The following CAMK2D variants were observed in gnomAD, a reference collection of about 807,000 sequenced individuals.
CAMK2D encodes calcium/calmodulin-dependent protein kinase type II subunit delta.
Under a neutral mutation model 84.0 loss-of-function variants are expected in CAMK2D, and 37 were observed. The ratio of observed to expected loss-of-function variants is 0.44; its 90% CI spans 0.34 to 0.58. The LOEUF is 0.58. CAMK2D is among the 20% of genes least tolerant of loss of function. The pLI, the probability that CAMK2D is intolerant of heterozygous loss-of-function variation, is 0.02. For synonymous variants in CAMK2D, 202 were observed against 212.5 expected (o/e 0.95, Z 0.43); for missense variants, 448 against 652.5 (o/e 0.69, Z 3.41).
intron 8 of CAMK2D, among the ~76,000 whole-genome samples, chr4:113,528,213 TATAA>T (rs539767234): frequency 1.3e-5 from 2 of 152,166 alleles, no homozygotes; most frequent in Admixed American, 1.3e-4. Flanking sequence ...AAACTTCATT[TATAA>T]ATAAAGACTT....
At chr4:113,624,483 G>A (rs2099059457) in intron 3 of CAMK2D, among the ~76,000 whole-genome samples, 1 of 152,162 alleles carries the variant, frequency 6.6e-6, no homozygotes, top group Non-Finnish European at 1.5e-5. Context: ...CACTTGGCAG[G>A]AACGGTGGGC....
intron 7 of CAMK2D, among the ~76,000 whole-genome samples, chr4:113,533,254 G>C (rs879686804): frequency 5.3e-5 from 8 of 151,926 alleles, no homozygotes; most frequent in Non-Finnish European, 8.8e-5. Flanking sequence ...GCAGTCAATG[G>C]GGTCCTTACC....
intron 2 of CAMK2D, among the ~76,000 whole-genome samples, chr4:113,697,290 C>T (rs1451396204): frequency 6.6e-6 from 1 of 152,080 alleles, no homozygotes; most frequent in African/African-American, 2.4e-5. Context: ...TAAGAACCAA[C>T]AGATAATCCC....
intron 19 of CAMK2D, 98 bp from the exon 20 acceptor site, chr4:113,455,919 T>G: frequency 8.2e-6 from 6 of 733,612 alleles, no homozygotes; most frequent in Non-Finnish European, 7.4e-6. Context: ...CAAAAAAACC[T>G]AAACCCCTGG....
At chr4:113,508,860 TTGA>T (rs1277498389) in intron 13 of CAMK2D, among the ~76,000 whole-genome samples, 3 of 152,176 alleles carry the variant, frequency 2.0e-5, no homozygotes, top group African/African-American at 7.2e-5. Context: ...CGTTGAAGTG[TTGA>T]TGAAGAATGT....
intron 2 of CAMK2D, among the ~76,000 whole-genome samples, chr4:113,712,529 A>T (rs1176573019): frequency 6.6e-6 from 1 of 152,070 alleles, no homozygotes; most frequent in East Asian, 1.9e-4. Flanking sequence ...ATTCACCTCA[A>T]ATTACATAAT....
At chr4:113,544,682 A>C (rs1164993620) in intron 6 of CAMK2D, among the ~76,000 whole-genome samples, 1 of 152,176 alleles carries the variant, frequency 6.6e-6, no homozygotes, top group East Asian at 1.9e-4. Context: ...TAAGACCCTG[A>C]CTTGATCCAA....
At chr4:113,675,447 A>C (rs1390343232) in intron 2 of CAMK2D, among the ~76,000 whole-genome samples, 1 of 152,222 alleles carries the variant, frequency 6.6e-6, no homozygotes, top group Non-Finnish European at 1.5e-5. Context: ...AGAATGATAA[A>C]AGTTTACAAA....
At chr4:113,717,289 G>T (rs974925196) in intron 2 of CAMK2D, among the ~76,000 whole-genome samples, 1 of 151,936 alleles carries the variant, frequency 6.6e-6, no homozygotes, top group African/African-American at 2.4e-5. Flanking sequence ...AATAGCCAAA[G>T]AAAATGTTTA....
intron 6 of CAMK2D, among the ~76,000 whole-genome samples, chr4:113,546,020 G>A (rs888281135): frequency 1.3e-5 from 2 of 152,196 alleles, no homozygotes; most frequent in Admixed American, 1.3e-4. Context: ...GATTCCAGAT[G>A]TTTAGAGAAG....
chr4:113,755,208 A>ACACAC, intron 2 of CAMK2D: 2 of 272,262 alleles, frequency 7.3e-6, no homozygotes, highest in Non-Finnish European at 1.1e-5. Flanking sequence ...ACACACACAC[A>ACACAC]AAACATTTAG....
intron 2 of CAMK2D, among the ~76,000 whole-genome samples, chr4:113,755,783 T>A (rs185941116): frequency 6.6e-6 from 1 of 151,804 alleles, no homozygotes; most frequent in South Asian, 2.1e-4. Context: ...CAGAAAAAAA[T>A]TGGCTTTTGT....
At chr4:113,537,836 T>C (rs2098503947) in intron 6 of CAMK2D, among the ~76,000 whole-genome samples, 1 of 152,188 alleles carries the variant, frequency 6.6e-6, no homozygotes, top group Admixed American at 6.5e-5. Context: ...GGCAAAATAA[T>C]AACAAGAGTT....
chr4:113,548,003 G>A (rs756506417), intron 5 of CAMK2D, among the ~76,000 whole-genome samples: 19 of 152,230 alleles, frequency 1.2e-4, no homozygotes, highest in Non-Finnish European at 2.1e-4. Context: ...ATTCTTCCAG[G>A]AAATAAAGTG....
At chr4:113,617,635 T>A (rs1409092076) in intron 3 of CAMK2D, among the ~76,000 whole-genome samples, 1 of 149,026 alleles carries the variant, frequency 6.7e-6, no homozygotes, top group African/African-American at 2.4e-5. Flanking sequence ...TGATGAAGAG[T>A]TGTTACTTCT....
intron 2 of CAMK2D, among the ~76,000 whole-genome samples, chr4:113,755,439 C>T (rs948263887): frequency 2.0e-5 from 3 of 151,772 alleles, no homozygotes; most frequent in Non-Finnish European, 4.4e-5. Flanking sequence ...GTTGTAATAA[C>T]TTATTTTTTA....
chr4:113,614,764 T>C (rs902441532), intron 3 of CAMK2D, among the ~76,000 whole-genome samples: 5 of 152,090 alleles, frequency 3.3e-5, no homozygotes, highest in Non-Finnish European at 5.9e-5. Context: ...AATAGATAAA[T>C]AAACAGAAAA....
intron 4 of CAMK2D, among the ~76,000 whole-genome samples, chr4:113,570,299 C>T (rs1166067276): frequency 6.6e-6 from 1 of 151,970 alleles, no homozygotes; most frequent in Non-Finnish European, 1.5e-5. Context: ...TGTATGCAAC[C>T]ATGAAATACT....
intron 3 of CAMK2D, among the ~76,000 whole-genome samples, chr4:113,626,117 C>T (rs908437196): frequency 2.0e-5 from 3 of 151,736 alleles, no homozygotes; most frequent in Non-Finnish European, 4.4e-5. Context: ...GAAAGTAGAG[C>T]AGACAGGAAC....
Sources: allele counts gnomAD v4.1 joint callset (sites outside exome capture counted in the v4.1 genomes callset), GRCh38; gene constraint gnomAD v4.1.1; transcripts MANE v1.5; gene names NCBI Gene and HGNC (gene_info 2026-07-23, HGNC 2026-07-21).